MCF2: variants seen among roughly 807,000 people sequenced by gnomAD.
MCF2 encodes the protein proto-oncogene DBL.
A neutral mutation model predicts 82.5 loss-of-function variants in MCF2; 44 were observed. That is an observed-to-expected ratio of 0.53 (90% confidence interval 0.42 to 0.69). The LOEUF (loss-of-function observed/expected upper bound fraction) is 0.69. MCF2 is among the 30% of genes least tolerant of loss of function. MCF2 has a pLI of 0.00. For synonymous variants in MCF2, 217 were observed against 224.9 expected (o/e 0.96, Z 0.32); for missense variants, 623 against 663.1 (o/e 0.94, Z 0.66).
intron 1 of MCF2, among the ~76,000 whole-genome samples, chrX:139,673,295 T>C: frequency 9.0e-6 from 1 of 111,593 alleles, no homozygotes. Context: ...TTTTGAAGGG[T>C]TTTTTGCATC....
intron 1 of MCF2, among the ~76,000 whole-genome samples, chrX:139,639,542 T>C (rs1254300764): frequency 9.0e-6 from 1 of 111,400 alleles, no homozygotes; most frequent in African/African-American, 3.3e-5. Flanking sequence ...CCCTCTCATC[T>C]TTCCCTCCCA....
At chrX:139,596,053 G>A (rs1273290754) in intron 19 of MCF2, among the ~76,000 whole-genome samples, 3 of 111,698 alleles carry the variant, frequency 2.7e-5, no homozygotes, top group African/African-American at 9.8e-5. Context: ...CAGGTAGGGT[G>A]GAGCTAGGGA....
chrX:139,641,183 A>C (rs941502576), intron 1 of MCF2, among the ~76,000 whole-genome samples: 30 of 106,002 alleles, frequency 2.8e-4, no homozygotes, highest in Non-Finnish European at 5.0e-4. Context: ...TATATATATA[A>C]ATATATATAT....
intron 1 of MCF2, among the ~76,000 whole-genome samples, chrX:139,699,641 G>A (rs1458675023): frequency 8.9e-6 from 1 of 112,172 alleles, no homozygotes; most frequent in Non-Finnish European, 1.9e-5. Flanking sequence ...CACTTAGCAT[G>A]TTCTCCAGGT....
chrX:139,653,655 A>T (rs1335891227), intron 1 of MCF2, among the ~76,000 whole-genome samples: 1 of 109,041 alleles, frequency 9.2e-6, no homozygotes, highest in Non-Finnish European at 1.9e-5. Flanking sequence ...TCAACAAGTC[A>T]CTCCCCACTC....
At chrX:139,665,908 T>C (rs1232052659) in intron 1 of MCF2, among the ~76,000 whole-genome samples, 1 of 81,726 alleles carries the variant, frequency 1.2e-5, no homozygotes, top group African/African-American at 5.9e-5. Flanking sequence ...TATATATATA[T>C]ATATATATAT....
chrX:139,649,663 A>G (rs1437647439), intron 2 of MCF2, among the ~76,000 whole-genome samples: 2 of 111,983 alleles, frequency 1.8e-5, no homozygotes, highest in Non-Finnish European at 3.8e-5. Context: ...GAAGAGATCA[A>G]AAGAGATATT....
chrX:139,598,308 C>T (rs1232160845), intron 17 of MCF2, 98 bp downstream of exon 21: 20 of 542,001 alleles, frequency 3.7e-5, no homozygotes, highest in Non-Finnish European at 4.8e-5. Flanking sequence ...TTGAGCCTAC[C>T]TATTTCTAGT....
chrX:139,650,326 C>T (rs1201735103), intron 2 of MCF2, among the ~76,000 whole-genome samples: 1 of 110,685 alleles, frequency 9.0e-6, no homozygotes, highest in Non-Finnish European at 1.9e-5. Context: ...TGTACTGGAG[C>T]CTGGACAAAA....
chrX:139,696,611 T>G (rs937112049), intron 1 of MCF2, among the ~76,000 whole-genome samples: 2 of 110,987 alleles, frequency 1.8e-5, no homozygotes, highest in African/African-American at 3.3e-5. Flanking sequence ...TTTTTTTTAG[T>G]AGAGACGGGG....
intron 1 of MCF2, among the ~76,000 whole-genome samples, chrX:139,662,256 A>G (rs1934375903): frequency 9.0e-6 from 1 of 110,691 alleles, no homozygotes; most frequent in Non-Finnish European, 1.9e-5. Context: ...CTTGGAATAT[A>G]ATACTATTGA....
intron 16 of MCF2, among the ~76,000 whole-genome samples, chrX:139,602,108 G>A (rs1930597535): frequency 9.0e-6 from 1 of 111,094 alleles, no homozygotes; most frequent in African/African-American, 3.3e-5. Flanking sequence ...TGGGTGGGTG[G>A]AGGGGCGTGA....
intron 1 of MCF2, among the ~76,000 whole-genome samples, chrX:139,687,226 A>G (rs1935147854): frequency 9.0e-6 from 1 of 111,172 alleles, no homozygotes; most frequent in Non-Finnish European, 1.9e-5. Context: ...TTCACTTCCT[A>G]CCTCCTTCAG....
intron 7 of MCF2, among the ~76,000 whole-genome samples, chrX:139,619,173 C>A (rs1932146664): frequency 9.0e-6 from 1 of 111,027 alleles, no homozygotes; most frequent in East Asian, 2.8e-4. Flanking sequence ...ATAATTTATG[C>A]CCTTGTTCTT....
At chrX:139,699,001 G>A (rs892867776) in intron 1 of MCF2, among the ~76,000 whole-genome samples, 5 of 111,860 alleles carry the variant, frequency 4.5e-5, no homozygotes, top group African/African-American at 1.6e-4. Flanking sequence ...CATTCCAGGT[G>A]AGGAGACTGA....
Position 139,616,493 on chromosome X carries a change from G to GAAA in MCF2, c.1000-23_1000-21dup. 1 of 780,848 alleles carries GAAA rather than the reference G, an allele frequency of 1.3e-6. No homozygotes were observed. Among genetic ancestry groups the GAAA allele is most frequent in the Admixed American group, 3.9e-5 (1 of 25,616 alleles). The allele number at this position is 780,848 out of a possible 1,213,427, so 64.4% of individuals were successfully genotyped here. ...ACGAGCCTGGTAAGAAAATCAAGAA[G>GAAA]AAAAAAAAAAAATATGAATTAATAA... On this transcript the variant is annotated intron_variant, in intron 8 of 24. Coordinates refer to ENST00000370576, the Ensembl canonical transcript of MCF2.
intron 12 of MCF2, 37 bp from the exon 17 acceptor site, chrX:139,605,816 T>C (rs374845365): frequency 2.1e-4 from 207 of 983,857 alleles, no homozygotes; most frequent in Admixed American, 5.4e-4. Context: ...GTTATTTTAT[T>C]ACTGAGATCT....
At chrX:139,695,036 T>TC (rs1935353998) in intron 1 of MCF2, among the ~76,000 whole-genome samples, 1 of 107,603 alleles carries the variant, frequency 9.3e-6, no homozygotes, top group East Asian at 2.9e-4. Context: ...TTCTTTCTTT[T>TC]TTTTTTTTTT....
At chrX:139,608,788 TC>T (rs1931258589) in intron 11 of MCF2, among the ~76,000 whole-genome samples, 1 of 111,934 alleles carries the variant, frequency 8.9e-6, no homozygotes, top group South Asian at 3.8e-4. Context: ...GCAATGGCAT[TC>T]TTTTCCTCAT....
Sources: gnomAD v4.1 joint callset for allele counts (sites outside exome capture counted in the v4.1 genomes callset) on GRCh38, gnomAD v4.1.1 for gene constraint, MANE v1.5 for transcripts, NCBI Gene and HGNC (gene_info 2026-07-23, HGNC 2026-07-21) for gene names.